Variants in ASPHD1 observed in about 807,000 individuals in gnomAD.
The protein encoded by ASPHD1 is aspartate beta-hydroxylase domain containing 1.
ASPHD1 carries 20 observed loss-of-function variants against 28.3 expected under a neutral mutation model. That is an observed-to-expected ratio of 0.71 (90% CI 0.50 to 1.03). The LOEUF is 1.03. Ranked by LOEUF, ASPHD1 falls within the 50% of genes least tolerant of loss-of-function variation. ASPHD1 has a pLI of 0.00. For missense variants in ASPHD1, 479 were observed against 524.1 expected, an observed-to-expected ratio of 0.91 and a Z score of 0.84; for synonymous variants, 240 against 221.2, an observed-to-expected ratio of 1.08 and a Z score of -0.75.
intron 3 of ASPHD1, among the ~76,000 whole-genome samples, chr16:29,916,306 C>T (rs1220930406): frequency 2.0e-5 from 3 of 150,164 alleles, no homozygotes; most frequent in Non-Finnish European, 4.4e-5. Context: ...TCAGGCTGGT[C>T]TCGAACTCCT....
chr16:29,912,688 C>T (rs2068737679), intron 3 of ASPHD1, among the ~76,000 whole-genome samples: 1 of 152,248 alleles, frequency 6.6e-6, no homozygotes, highest in South Asian at 2.1e-4. Context: ...GATCAGCCCG[C>T]CTCAGCCTCC....
At chr16:29,903,023 G>A (rs1183732003) in intron 1 of ASPHD1, among the ~76,000 whole-genome samples, 1 of 151,530 alleles carries the variant, frequency 6.6e-6, no homozygotes, top group African/African-American at 2.4e-5. Flanking sequence ...GAGTAGCTGG[G>A]ACCACAGGTG....
chr16:29,911,893 G>C lies in ASPHD1; in HGVS notation c.*62+5934G>C, dbSNP rs367845684. The C allele has an allele frequency of 5.0e-6, 8 of 1,611,588 alleles. No homozygotes were observed. In the South Asian group the frequency reaches 7.7e-5, roughly 15 times the overall value. Reference sequence around the variant, plus strand: ...CTGGCGGGGGAGAGAGGATGGACGAGAGGGGTGAGGCTGCAGGGAGAGGCC... The same window carrying C: ...CTGGCGGGGGAGAGAGGATGGACGACAGGGGTGAGGCTGCAGGGAGAGGCC... On this transcript the variant is annotated intron_variant and NMD_transcript_variant, in intron 3 of 3. Coordinates refer to the ASPHD1 transcript ENST00000414952.
Position 29,906,026 on chromosome 16 carries a change from A to T in ASPHD1, c.*129A>T. ...GGAGGATGGGAACTGGCTAGTGAGC[A>T]CTGAAATATAAATTCTGAATCCTCT... On this transcript the variant is annotated 3_prime_UTR_variant, in exon 3 of 3. Coordinates refer to ENST00000308748, the MANE Select transcript of ASPHD1 (RefSeq NM_181718.4). The T allele has an allele frequency of 1.7e-6, 1 of 598,094 alleles. No homozygotes were observed. The highest frequency in any genetic ancestry group is 2.9e-6 in the Non-Finnish European group (1 of 350,172). 37.0% of individuals were successfully genotyped at this position (598,094 alleles called of 1,614,324 possible). A position where few individuals can be genotyped will look rare whatever the true frequency, so the allele number is the denominator to read the frequency against.
chr16:29,904,612 CAAAA>C (rs1243404965), intron 1 of ASPHD1, among the ~76,000 whole-genome samples: 1 of 66,506 alleles, frequency 1.5e-5, no homozygotes. Flanking sequence ...GACTTTGTCT[CAAAA>C]AAAAAAAAAA....
At chr16:29,906,484 G>A (rs1293189520), downstream of ASPHD1, 5 of 468,138 alleles carry the variant, frequency 1.1e-5, no homozygotes, top group Middle Eastern at 1.0e-3. Flanking sequence ...GGAGGAGGGG[G>A]CGGACTACCC....
intron 3 of ASPHD1, among the ~76,000 whole-genome samples, chr16:29,912,703 G>T (rs2068737830): frequency 1.3e-5 from 2 of 152,224 alleles, no homozygotes; most frequent in South Asian, 4.1e-4. Flanking sequence ...GCCTCCCAAA[G>T]TGCTGGGATT....
intron 3 of ASPHD1, chr16:29,913,354 A>C (rs1366944284): frequency 6.6e-6 from 1 of 152,224 alleles, no homozygotes; most frequent in Non-Finnish European, 1.5e-5. Context: ...AGAAACAAAA[A>C]TACCTGAGAA....
downstream of ASPHD1, among the ~76,000 whole-genome samples, chr16:29,907,526 C>T (rs1156682962): frequency 6.6e-6 from 1 of 152,144 alleles, no homozygotes; most frequent in African/African-American, 2.4e-5. Flanking sequence ...GTGACTCAGG[C>T]CTGTAATCCC....
Position 29,901,715 on chromosome 16 carries a change from G to T in ASPHD1, c.744G>T (p.Gly248=). The T allele has an allele frequency of 6.4e-7, 1 of 1,571,630 alleles. No homozygotes were observed. The highest frequency in any genetic ancestry group is 8.6e-7 in the Non-Finnish European group (1 of 1,162,230). ...PRGWSPPLAP[G]CYQLLLYQAG... ...GCTGGTCCCCACCTCTGGCCCCCGG[G>T]TGCTACCAGCTCCTGCTGTACCAAG... Residue 248 remains glycine (G), a synonymous_variant, in exon 1 of 3, where the codon GGG becomes GGT. Coordinates refer to ENST00000308748, the MANE Select transcript of ASPHD1 (RefSeq NM_181718.4). The surrounding 1 kb of genome is among the most constrained non-coding windows in gnomAD (Gnocchi z 5.1).
chr16:29,912,719 C>T lies in ASPHD1; in HGVS notation c.*62+6760C>T, dbSNP rs540022116. Among the ~76,000 whole-genome samples the T allele has an allele frequency of 2.0e-5, 3 of 152,360 alleles. No homozygotes were observed. In the East Asian group the frequency reaches 5.8e-4, roughly 29 times the overall value. On this transcript the variant is annotated intron_variant and NMD_transcript_variant, in intron 3 of 3. Transcript: ENST00000414952. ...CCTCCCAAAGTGCTGGGATTACAGG[C>T]GTGAGCCACTGCACCAGGCCTATCA... is the stretch of plus-strand genomic sequence containing the variant.
intron 3 of ASPHD1, among the ~76,000 whole-genome samples, chr16:29,915,963 G>GT (rs1021661390): frequency 7.9e-5 from 12 of 151,948 alleles, no homozygotes; most frequent in East Asian, 1.9e-4. Flanking sequence ...TCATTTAAGT[G>GT]TTTTTTTTCT....
chr16:29,907,970 C>T (rs1390759705), downstream of ASPHD1, among the ~76,000 whole-genome samples: 5 of 148,754 alleles, frequency 3.4e-5, no homozygotes, highest in Admixed American at 2.7e-4. Flanking sequence ...GTAGCAAGAC[C>T]TCATCTATTA....
intron 2 of ASPHD1, 120 bp from the exon 3 acceptor site, chr16:29,905,668 A>G (rs1033619620): frequency 6.0e-6 from 3 of 502,346 alleles, no homozygotes; most frequent in Non-Finnish European, 1.1e-5. Context: ...TGATACATTT[A>G]AAGGGTTAGA....
chr16:29,907,681 G>A (rs898996414), downstream of ASPHD1, among the ~76,000 whole-genome samples: 16 of 152,156 alleles, frequency 1.1e-4, no homozygotes, highest in East Asian at 3.9e-4. Flanking sequence ...CCAGCTACTC[G>A]GGAGACTGAG....
In ASPHD1 at chr16:29,901,574, G is replaced by A. The variant is rs1160089888; in HGVS notation, c.603G>A (p.Val201=). 1.3e-6 allele frequency: 2 copies of A among 1,543,514 alleles called. No homozygotes were observed. Among genetic ancestry groups the A allele is most frequent in the African/African-American group, 2.8e-5 (2 of 72,572 alleles). ...CAGACCTGCCTTCAGCCCCCTTTGT[G>A]CCGCGGGACGCCCAGCGGCACGACG... The part of the protein sequence containing the change: ...FLPDLPSAPF[V]PRDAQRHDVE... Residue 201 remains valine (V), a synonymous_variant, in exon 1 of 3, where the codon GTG becomes GTA. Coordinates refer to ENST00000308748, the MANE Select transcript of ASPHD1 (RefSeq NM_181718.4). This position sits in a 1 kb window ranked among gnomAD's most constrained non-coding sequence, Gnocchi z 5.1.
At chr16:29,911,689 C>CGAAT (rs1198997243) in intron 3 of ASPHD1, 9 of 995,548 alleles carry the variant, frequency 9.0e-6, no homozygotes, top group Non-Finnish European at 1.2e-5. Context: ...GAGGCGAAGC[C>CGAAT]GAATCTGCGA....
chr16:29,907,087 T>G, downstream of ASPHD1: 1 of 1,606,216 alleles, frequency 6.2e-7, no homozygotes, highest in Non-Finnish European at 8.5e-7. Flanking sequence ...TCCTCGAAGA[T>G]CCGGGCCTCT....
downstream of ASPHD1, chr16:29,906,539 G>C (rs1364163095): frequency 2.0e-6 from 1 of 491,558 alleles, no homozygotes; most frequent in Admixed American, 2.3e-5. Context: ...TGTCAGGAAG[G>C]GCCGCACACT....
Sources: allele counts gnomAD v4.1 joint callset (sites outside exome capture counted in the v4.1 genomes callset), GRCh38; gene constraint gnomAD v4.1.1; non-coding constraint Gnocchi (gnomAD v3.1); transcripts MANE v1.5; gene names NCBI Gene and HGNC (gene_info 2026-07-23, HGNC 2026-07-21).